NDUFA7: variants seen among roughly 807,000 people sequenced by gnomAD.
NDUFA7 encodes NADH dehydrogenase [ubiquinone] 1 alpha subcomplex subunit 7.
Under a neutral mutation model 14.2 loss-of-function variants are expected in NDUFA7, and 18 were observed. The observed-to-expected ratio is 1.27, with a 90% confidence interval of 0.88 to 1.88. The LOEUF (loss-of-function observed/expected upper bound fraction) is 1.88, where lower values mean the gene tolerates loss of function less well. NDUFA7 is among the 40% of genes most tolerant of loss of function. NDUFA7 has a pLI of 0.00. For missense variants in NDUFA7, 172 were observed against 147.3 expected (o/e 1.17, Z -0.87); for synonymous variants, 75 against 62.1 (o/e 1.21, Z -0.98).
At chr19:8,321,286 C>A in intron 1 of NDUFA7, 22 bp downstream of exon 1, 1 of 1,553,642 alleles carries the variant, frequency 6.4e-7, no homozygotes, top group Non-Finnish European at 8.7e-7. Context: ...CCCCATGGTG[C>A]AGCCCTGTCC....
At chr19:8,313,076 C>A (rs543262524) in intron 3 of NDUFA7, among the ~76,000 whole-genome samples, 1 of 152,012 alleles carries the variant, frequency 6.6e-6, no homozygotes, top group Non-Finnish European at 1.5e-5. Context: ...GGATTACAGG[C>A]GTGAGCTACC....
At chr19:8,317,711 T>C (rs1312215102) in intron 2 of NDUFA7, among the ~76,000 whole-genome samples, 1 of 152,224 alleles carries the variant, frequency 6.6e-6, no homozygotes, top group Admixed American at 6.5e-5. Context: ...TGCAATCATA[T>C]GATCGCTTGA....
chr19:8,314,286 A>G (rs1225216775), intron 3 of NDUFA7, among the ~76,000 whole-genome samples: 1 of 152,118 alleles, frequency 6.6e-6, no homozygotes, highest in Non-Finnish European at 1.5e-5. Flanking sequence ...GCGCCACTGC[A>G]CTCCAGCCTG....
intron 2 of NDUFA7, among the ~76,000 whole-genome samples, chr19:8,317,750 A>G (rs910932668): frequency 5.3e-5 from 8 of 152,066 alleles, no homozygotes; most frequent in African/African-American, 1.7e-4. Flanking sequence ...TGCAGCCTCA[A>G]CCTCCTGGGC....
chr19:8,309,050 G>A (rs1970142321), downstream of NDUFA7, among the ~76,000 whole-genome samples: 1 of 151,516 alleles, frequency 6.6e-6, no homozygotes, highest in Non-Finnish European at 1.5e-5. Flanking sequence ...GCAAGTCCCC[G>A]CCCGCCTCAA....
chr19:8,320,089 C>T (rs1292571648), intron 2 of NDUFA7, among the ~76,000 whole-genome samples: 1 of 152,060 alleles, frequency 6.6e-6, no homozygotes, highest in African/African-American at 2.4e-5. Context: ...CTCCTGACCT[C>T]GTGATCCGCC....
downstream of NDUFA7, among the ~76,000 whole-genome samples, chr19:8,309,473 C>CAA (rs531841561): frequency 3.0e-5 from 4 of 133,570 alleles, no homozygotes; most frequent in Non-Finnish European, 1.6e-5. Flanking sequence ...GACTCTGTCT[C>CAA]AAAAAAAAAA....
downstream of NDUFA7, chr19:8,310,477 C>T (rs115590938): frequency 0.016 from 2,411 of 152,354 alleles, 60 homozygotes; most frequent in African/African-American, 0.056. Flanking sequence ...ACTGAGTGTC[C>T]GCACATACAC....
chr19:8,318,764 G>C (rs1299782463), intron 2 of NDUFA7, among the ~76,000 whole-genome samples: 4 of 147,836 alleles, frequency 2.7e-5, no homozygotes, highest in African/African-American at 9.9e-5. Context: ...ACGAGGTCAA[G>C]AGATCAGACC....
At chr19:8,311,108 CT>C (rs1162609703), downstream of NDUFA7, among the ~76,000 whole-genome samples, 2 of 152,212 alleles carry the variant, frequency 1.3e-5, no homozygotes, top group African/African-American at 4.8e-5. Context: ...ATAATGGTTT[CT>C]GGCTCAGGGA....
Position 8,320,911 on chromosome 19 carries a change from G to A in NDUFA7, c.52-5C>T. The A allele has an allele frequency of 6.2e-7, 1 of 1,613,762 alleles. No individual in the cohort carries two copies. Among genetic ancestry groups the A allele is most frequent in the African/African-American group, 1.3e-5 (1 of 75,048 alleles). On this transcript the variant is annotated splice_polypyrimidine_tract_variant and splice_region_variant and intron_variant, in intron 1 of 3. Transcript: ENST00000301457. ...CAGCTTCCCCTGCAGGTCATGCTGT[G>A]GGAAGAGGAGAGGAGAGGTCGGCCT...
chr19:8,315,605 C>T (rs1012753040), intron 3 of NDUFA7, among the ~76,000 whole-genome samples: 1 of 152,220 alleles, frequency 6.6e-6, no homozygotes, highest in South Asian at 2.1e-4. Flanking sequence ...ATGATCCTGC[C>T]ACATCCCCCT....
chr19:8,316,803 T>A (rs978377977), intron 2 of NDUFA7, 158 bp from the exon 3 acceptor site: 17 of 822,404 alleles, frequency 2.1e-5, no homozygotes, highest in Non-Finnish European at 3.2e-5. Flanking sequence ...GGCAGGGACA[T>A]ATGCCTGGGG....
chr19:8,314,899 A>C (rs1399942471), intron 3 of NDUFA7, among the ~76,000 whole-genome samples: 1 of 152,112 alleles, frequency 6.6e-6, no homozygotes, highest in Non-Finnish European at 1.5e-5. Flanking sequence ...TGGTGTGGGG[A>C]TAAGAAAGAG....
At chr19:8,314,047 C>T (rs193012579) in intron 3 of NDUFA7, among the ~76,000 whole-genome samples, 1 of 152,210 alleles carries the variant, frequency 6.6e-6, no homozygotes, top group East Asian at 1.9e-4. Context: ...CATGGCTGGG[C>T]ATGGTGGCTC....
chr19:8,320,703 C>T (rs2145401161), intron 2 of NDUFA7, among the ~76,000 whole-genome samples, 154 bp downstream of exon 2: 2 of 152,306 alleles, frequency 1.3e-5, no homozygotes, highest in Middle Eastern at 6.8e-3. Context: ...CGGAGTTCAG[C>T]AAGGTTAAAG....
chr19:8,315,098 G>C (rs375219823), intron 3 of NDUFA7, among the ~76,000 whole-genome samples: 1 of 152,106 alleles, frequency 6.6e-6, no homozygotes, highest in East Asian at 1.9e-4. Context: ...CTTAAGAGTC[G>C]TCACCACTCC....
At chr19:8,313,520 G>A (rs1418616989) in intron 3 of NDUFA7, among the ~76,000 whole-genome samples, 1 of 152,272 alleles carries the variant, frequency 6.6e-6, no homozygotes, top group East Asian at 1.9e-4. Context: ...GTGAGCCACC[G>A]CGCCCAGACC....
intron 3 of NDUFA7, among the ~76,000 whole-genome samples, chr19:8,316,148 CAAAAAA>C (rs60161246): frequency 1.2e-5 from 1 of 80,648 alleles, no homozygotes; most frequent in African/African-American, 4.3e-5. Context: ...GACTCCGTCT[CAAAAAA>C]AAAAAAAAAA....
Sources: gnomAD v4.1 joint callset for allele counts (sites outside exome capture counted in the v4.1 genomes callset) on GRCh38, gnomAD v4.1.1 for gene constraint, MANE v1.5 for transcripts, NCBI Gene and HGNC (gene_info 2026-07-23, HGNC 2026-07-21) for gene names.